PPP1R12B: variants seen among roughly 807,000 people sequenced by gnomAD.
PPP1R12B encodes protein phosphatase 1 regulatory subunit 12B.
PPP1R12B carries 76 observed loss-of-function variants against 126.1 expected under a neutral mutation model. The ratio of observed to expected loss-of-function variants is 0.60; its 90% CI spans 0.50 to 0.73. PPP1R12B has a LOEUF of 0.73. Among genes scored for constraint, PPP1R12B ranks in the 30% least tolerant of loss-of-function variants. The pLI is 0.00. For missense variants in PPP1R12B, 1,052 were observed against 1,205.1 expected, an observed-to-expected ratio of 0.87 and a Z score of 1.88; for synonymous variants, 356 against 434.7, an observed-to-expected ratio of 0.82 and a Z score of 2.25.
At chr1:202,387,696 C>T (rs1187513636) in intron 1 of PPP1R12B, among the ~76,000 whole-genome samples, 10 of 152,058 alleles carry the variant, frequency 6.6e-5, no homozygotes, top group African/African-American at 1.4e-4. Context: ...CTATTTGATC[C>T]GTTTCTGCCT....
At position 202,449,040 on chromosome 1, in the gene PPP1R12B, T is replaced by C. The variant is rs1394667275; in HGVS notation, c.1719T>C (p.Asn573=). 6.2e-7 allele frequency: 1 copy of C among 1,613,880 alleles called. No homozygotes were observed. The highest frequency in any genetic ancestry group is 1.1e-5 in the South Asian group (1 of 91,080). ...ADTTAEKTAD[N]VSSSTPLCVI... is the part of the protein sequence containing the mutation. ...CAACAGCAGAGAAAACAGCAGACAA[T>C]GTCTCTTCTAGCACCCCGCTCTGTG... The change falls in exon 13 of 24, where the codon AAT becomes AAC. Residue 573 remains asparagine, a synonymous_variant. Transcript: ENST00000608999.
intron 13 of PPP1R12B, among the ~76,000 whole-genome samples, chr1:202,483,571 G>A (rs1558284907): frequency 6.6e-6 from 1 of 152,284 alleles, no homozygotes; most frequent in Non-Finnish European, 1.5e-5. Flanking sequence ...GGTGATAGAG[G>A]CTAGGAGGGG....
chr1:202,521,355 A>G (rs1338192310), intron 18 of PPP1R12B, among the ~76,000 whole-genome samples: 1 of 152,190 alleles, frequency 6.6e-6, no homozygotes, highest in Admixed American at 6.5e-5. Context: ...TAAGATCATG[A>G]AAAAGCAGTC....
intron 23 of PPP1R12B, among the ~76,000 whole-genome samples, chr1:202,578,889 C>T (rs944574019): frequency 1.3e-5 from 2 of 152,178 alleles, no homozygotes; most frequent in Admixed American, 1.3e-4. Flanking sequence ...AGTTTCTAGG[C>T]GTCAAACATT....
intron 1 of PPP1R12B, among the ~76,000 whole-genome samples, chr1:202,393,066 C>T (rs1343284242): frequency 6.6e-6 from 1 of 152,164 alleles, no homozygotes; most frequent in Non-Finnish European, 1.5e-5. Flanking sequence ...GTGCCTCAGC[C>T]TCCTCAGGGG....
intron 14 of PPP1R12B, among the ~76,000 whole-genome samples, chr1:202,490,535 G>A (rs1287192322): frequency 3.9e-5 from 6 of 151,998 alleles, no homozygotes; most frequent in African/African-American, 1.5e-4. Flanking sequence ...CAGTTTAATG[G>A]CATTAAGTAC....
chr1:202,455,541 G>A (rs1342817293), intron 13 of PPP1R12B, among the ~76,000 whole-genome samples: 6 of 152,172 alleles, frequency 3.9e-5, no homozygotes, highest in Non-Finnish European at 7.3e-5. Context: ...GCATGTATCA[G>A]TACTTTATTC....
chr1:202,575,768 G>A (rs1689036710), intron 23 of PPP1R12B: 1 of 152,218 alleles, frequency 6.6e-6, no homozygotes, highest in East Asian at 1.9e-4. Context: ...CCAGGCATCA[G>A]TATTTTTTCA....
intron 13 of PPP1R12B, among the ~76,000 whole-genome samples, chr1:202,483,278 C>CT (rs71281161): frequency 0.036 from 4,246 of 118,478 alleles, 269 homozygotes; most frequent in African/African-American, 0.086. Flanking sequence ...TGAAGAACAC[C>CT]TTTTTTTTTT....
intron 1 of PPP1R12B, among the ~76,000 whole-genome samples, chr1:202,363,021 A>G (rs144871641): frequency 6.6e-6 from 1 of 151,988 alleles, no homozygotes; most frequent in Non-Finnish European, 1.5e-5. Flanking sequence ...GTTATTGGAG[A>G]TGGGGTTTCG....
In PPP1R12B at chr1:202,567,769, T is replaced by C. The variant is rs778561374; in HGVS notation, c.2758-9T>C. On this transcript the variant is annotated splice_polypyrimidine_tract_variant and intron_variant, in intron 21 of 23. Transcript: ENST00000608999. ...TAAATAACAACTGTTTTCCTTCCAT[T>C]TGCACCAGCAGAAACAAGAAAAGAC... 10 of 1,613,878 alleles carry C rather than the reference T, an allele frequency of 6.2e-6. No individual in the cohort carries two copies. The South Asian group carries it at 9.9e-5, about 16-fold the overall frequency.
rs192021893 is a variant in PPP1R12B, at chr1:202,381,158, A to G, written c.291+32016A>G. 5.9e-5 allele frequency among the ~76,000 whole-genome samples: 9 copies of G among 152,300 alleles called. No homozygotes were observed. In the East Asian group the frequency reaches 1.7e-3, roughly 29 times the overall value. On this transcript the variant is annotated intron_variant, in intron 1 of 23. Coordinates refer to ENST00000608999, the MANE Select transcript of PPP1R12B (RefSeq NM_002481.4). The stretch of plus-strand genomic sequence containing the variant: ...TACATACATACGTACTTTTCAGATT[A>G]TTGAAATCCCCAAAGGACCTCAAGG...
At chr1:202,417,458 C>T in intron 2 of PPP1R12B, 1 of 967,452 alleles carries the variant, frequency 1.0e-6, no homozygotes, top group Non-Finnish European at 1.2e-6. Flanking sequence ...TAATAAGATA[C>T]ATTAGGAGCT....
Position 202,517,184 on chromosome 1 carries a change from A to G in PPP1R12B, c.2490+20362A>G, listed in dbSNP as rs375006723. Among the ~76,000 whole-genome samples, 93 of 152,316 alleles carry G rather than the reference A, an allele frequency of 6.1e-4. No individual in the cohort carries two copies. The South Asian group carries it at 0.011, about 18-fold the overall frequency. On this transcript the variant is annotated intron_variant, in intron 18 of 23. Coordinates refer to ENST00000608999, the MANE Select transcript of PPP1R12B (RefSeq NM_002481.4). ...CTGGGTTAATCTAGAATGATTTCCT[A>G]AAAGAAAAGTTTTAGAAGAATTATT...
Position 202,588,852 on chromosome 1 carries a change from TAGATAGATA to T in PPP1R12B, c.*8293_*8301del, listed in dbSNP as rs1409478344. On this transcript the variant is annotated 3_prime_UTR_variant, in exon 24 of 24. Coordinates refer to ENST00000608999, the MANE Select transcript of PPP1R12B (RefSeq NM_002481.4). ...ATAGATAGATAGATAGATAGATAGA[TAGATAGATA>T]GATAGATAGATATCAAGGTTCCAAG... The T allele has an allele frequency of 1.4e-5, 2 of 142,702 alleles. No homozygotes were observed. The highest frequency in any genetic ancestry group is 5.7e-5 in the African/African-American group (2 of 35,370). The allele number at this position is 142,702 out of a possible 1,614,324, so 8.8% of individuals were successfully genotyped here.
At chr1:202,440,635 T>A in intron 10 of PPP1R12B, 71 bp from the exon 11 acceptor site, 3 of 1,194,372 alleles carry the variant, frequency 2.5e-6, no homozygotes, top group Non-Finnish European at 3.7e-6. Flanking sequence ...AGTTCTGCTT[T>A]TTTACTCAAA....
chr1:202,568,631 C>T (rs900167248), intron 22 of PPP1R12B, among the ~76,000 whole-genome samples: 11 of 152,090 alleles, frequency 7.2e-5, no homozygotes, highest in East Asian at 3.9e-4. Flanking sequence ...AGAAATGGAA[C>T]GGGAGAGAAG....
intron 8 of PPP1R12B, 84 bp from the exon 9 acceptor site, chr1:202,434,572 C>A: frequency 6.6e-7 from 1 of 1,505,742 alleles, no homozygotes; most frequent in Non-Finnish European, 8.8e-7. Context: ...ATGGGCAAAT[C>A]TTTTCTATTA....
At chr1:202,567,665 CA>C in intron 21 of PPP1R12B, 112 bp from the exon 22 acceptor site, 1 of 1,178,568 alleles carries the variant, frequency 8.5e-7, no homozygotes, top group Admixed American at 2.1e-5. Context: ...AGGGGAAGTC[CA>C]AAGTTTTACT....
Sources: allele counts gnomAD v4.1 joint callset (sites outside exome capture counted in the v4.1 genomes callset), GRCh38; gene constraint gnomAD v4.1.1; transcripts MANE v1.5; gene names NCBI Gene and HGNC (gene_info 2026-07-23, HGNC 2026-07-21).